Variants in RACGAP1 observed in about 807,000 individuals in gnomAD.
RACGAP1 encodes rac GTPase-activating protein 1.
A neutral mutation model predicts 78.1 loss-of-function variants in RACGAP1; 30 were observed. The ratio of observed to expected loss-of-function variants is 0.38; its 90% CI spans 0.29 to 0.52. RACGAP1 has a LOEUF of 0.52. RACGAP1 is among the 20% of genes least tolerant of loss of function. The probability of loss-of-function intolerance (pLI) is 0.82; values close to 1 mark genes in which losing one functional copy is unlikely to be tolerated. For missense variants in RACGAP1, 587 were observed against 777.1 expected (o/e 0.76, Z 2.91); for synonymous variants, 231 against 264.8 (o/e 0.87, Z 1.24).
At chr12:50,031,448 C>A (rs949937139) in intron 2 of RACGAP1, among the ~76,000 whole-genome samples, 2 of 124,112 alleles carry the variant, frequency 1.6e-5, no homozygotes, top group Non-Finnish European at 3.2e-5. Flanking sequence ...CACTGAACTC[C>A]AGCCTGGGCA....
At position 49,995,273 on chromosome 12, in the gene RACGAP1, AG is replaced by A. The variant is rs1268971830; in HGVS notation, c.1045-765del. Among the ~76,000 whole-genome samples the A allele has an allele frequency of 2.6e-5, 4 of 152,226 alleles. No homozygotes were observed. The East Asian group carries it at 7.7e-4, about 29-fold the overall frequency. On this transcript the variant is annotated intron_variant, in intron 10 of 16. Transcript: ENST00000312377. ...TGAGGCAGGAGAATCGCTTGAACCC[AG>A]GAGGTGGAGGTTGTGGTGAGTCGAG...
Position 50,006,601 on chromosome 12 carries a change from G to A in RACGAP1, c.121C>T (p.Arg41Cys), listed in dbSNP as rs776428359. The A allele has an allele frequency of 3.7e-6, 6 of 1,614,090 alleles. No individual in the cohort carries two copies. The highest frequency in any genetic ancestry group is 1.3e-5 in the African/African-American group (1 of 75,006). Residue 41 changes from arginine (R) to cysteine (C), a missense_variant, in exon 3 of 17, where the codon CGT (arginine) becomes TGT (cysteine). Physicochemically the swap from Arg to Cys is radical, Grantham distance 180. Transcript: ENST00000312377. ...IQLAKDFEDF[R>C]KKWQRTDHEL... ...TGGTCAGTCCTCTGCCACTTTTTAC[G>A]GAAATCCTCAAAGTCCTTCGCCAAC...
chr12:50,031,478 CAAA>C (rs56229939), intron 2 of RACGAP1, among the ~76,000 whole-genome samples: 47 of 71,900 alleles, frequency 6.5e-4, no homozygotes, highest in Middle Eastern at 9.6e-3. Flanking sequence ...GACTCCATCT[CAAA>C]AAAAAAAAAA....
chr12:50,007,936 A>G (rs1336901046), intron 2 of RACGAP1, among the ~76,000 whole-genome samples: 1 of 151,120 alleles, frequency 6.6e-6, no homozygotes, highest in Non-Finnish European at 1.5e-5. Context: ...AAAAAAACAT[A>G]TATGTTTGCA....
chr12:49,994,720 C>T (rs1337252195), intron 10 of RACGAP1, among the ~76,000 whole-genome samples: 1 of 152,158 alleles, frequency 6.6e-6, no homozygotes, highest in African/African-American at 2.4e-5. Flanking sequence ...ATATATACCA[C>T]ACTTTTTCTT....
At position 50,010,795 on chromosome 12, in the gene RACGAP1, G is replaced by A. The variant is rs145525828; in HGVS notation, c.86-4159C>T. On this transcript the variant is annotated intron_variant, in intron 2 of 16. Transcript: ENST00000312377. The stretch of plus-strand genomic sequence containing the variant: ...TAAAAATACAAAATTAGCCAGGCGT[G>A]TTGGCACATGCCTGTAATTCCAGCT... Among the ~76,000 whole-genome samples the A allele has an allele frequency of 2.4e-3, 369 of 151,874 alleles. 4 individuals carry two copies. The highest frequency in any genetic ancestry group is 8.3e-3 in the African/African-American group (346 of 41,482).
intron 15 of RACGAP1, 80 bp from the exon 16 acceptor site, chr12:49,990,872 C>T: frequency 9.5e-7 from 1 of 1,048,778 alleles, no homozygotes; most frequent in Non-Finnish European, 1.5e-6. Flanking sequence ...AAGCTGATTA[C>T]CCTCTGAAGC....
chr12:50,000,493 T>A (rs1948607899), intron 7 of RACGAP1, among the ~76,000 whole-genome samples: 1 of 152,048 alleles, frequency 6.6e-6, no homozygotes, highest in South Asian at 2.1e-4. Context: ...TTTGGCTGGG[T>A]GCAGTGGCTC....
intron 12 of RACGAP1, among the ~76,000 whole-genome samples, chr12:49,993,094 T>A (rs764271789): frequency 9.9e-5 from 15 of 152,182 alleles, no homozygotes; most frequent in Non-Finnish European, 2.1e-4. Context: ...GGTAGAGTGA[T>A]ACATAAATGA....
chr12:50,030,811 G>A (rs563063170), intron 2 of RACGAP1, among the ~76,000 whole-genome samples: 38 of 151,696 alleles, frequency 2.5e-4, no homozygotes, highest in Non-Finnish European at 1.6e-4. Flanking sequence ...ACGGAGTTTT[G>A]CTCTTTCACC....
Position 50,006,422 on chromosome 12 carries a change from A to T in RACGAP1, c.288+12T>A. 1 of 1,613,968 alleles carries T rather than the reference A, an allele frequency of 6.2e-7. No homozygotes were observed. Among genetic ancestry groups the T allele is most frequent in the Non-Finnish European group, 8.5e-7 (1 of 1,179,866 alleles). On this transcript the variant is annotated intron_variant, in intron 3 of 16. Transcript: ENST00000312377. ...GCATCATCACTGTTCTAGCACGGAA[A>T]ACAATACACACCAGCTTTTCGCAGT...
At position 50,016,763 on chromosome 12, in the gene RACGAP1, C is replaced by G. The variant is rs759849375; in HGVS notation, c.-4-44G>C. The G allele has an allele frequency of 6.3e-6, 10 of 1,588,160 alleles. No individual in the cohort carries two copies. In the Admixed American group the frequency reaches 1.7e-4, roughly 27 times the overall value. On this transcript the variant is annotated intron_variant, in intron 1 of 16. Transcript: ENST00000312377. ...TACATTAGGGGTCCTGCCTTCTCGC[C>G]CACAACAAAAGATTCTATAGCAATC... is the stretch of plus-strand genomic sequence containing the variant.
At chr12:50,015,829 T>TA (rs901560267) in intron 2 of RACGAP1, among the ~76,000 whole-genome samples, 2 of 149,740 alleles carry the variant, frequency 1.3e-5, no homozygotes, top group Non-Finnish European at 3.0e-5. Flanking sequence ...TAAAAAAATT[T>TA]AAAAAAAAAT....
intron 5 of RACGAP1, among the ~76,000 whole-genome samples, chr12:50,003,694 T>C (rs1948816719): frequency 6.6e-6 from 1 of 152,216 alleles, no homozygotes; most frequent in African/African-American, 2.4e-5. Context: ...TGCCGCCCCA[T>C]AAAAGCAGGG....
chr12:49,990,430 A>G (rs1013077976), intron 16 of RACGAP1, 87 bp from the exon 17 acceptor site: 8 of 1,199,278 alleles, frequency 6.7e-6, no homozygotes, highest in Middle Eastern at 1.9e-4. Context: ...ATAACCCATT[A>G]TAAGTAGGAA....
chr12:50,024,839 C>A (rs1950200152), intron 1 of RACGAP1, among the ~76,000 whole-genome samples: 1 of 151,738 alleles, frequency 6.6e-6, no homozygotes, highest in African/African-American at 2.4e-5. Context: ...TTCCGACACA[C>A]ACCTCTCGGC....
chr12:50,004,238 T>G lies in RACGAP1; in HGVS notation c.492A>C (p.Ser164=). ...TCAGAGATCAAATGTTTATTACCAG[T>G]GATTCATCAGTCTTGTCAAAGCTGA... ...SDISFDKTDE[S]LDWDSSLVKT... is the part of the protein sequence containing the mutation. Residue 164 remains serine (S), a synonymous_variant, in exon 5 of 17, where the codon TCA becomes TCC. Transcript: ENST00000312377. The G allele has an allele frequency of 6.2e-7, 1 of 1,603,730 alleles. No homozygotes were observed. The highest frequency in any genetic ancestry group is 1.3e-5 in the African/African-American group (1 of 74,944).
chr12:50,032,947 G>GCC (rs1490502784), intron 1 of RACGAP1: 1 of 152,154 alleles, frequency 6.6e-6, no homozygotes, highest in African/African-American at 2.4e-5. Flanking sequence ...TCCCGAGCGC[G>GCC]CCCGTACCCC....
At chr12:50,008,425 C>G (rs2137480241) in intron 2 of RACGAP1, among the ~76,000 whole-genome samples, 1 of 152,122 alleles carries the variant, frequency 6.6e-6, no homozygotes, top group East Asian at 1.9e-4. Flanking sequence ...TCTCAAACTC[C>G]TAACCTCAGG....
Sources: gnomAD v4.1 joint callset for allele counts (sites outside exome capture counted in the v4.1 genomes callset) on GRCh38, gnomAD v4.1.1 for gene constraint, MANE v1.5 for transcripts, NCBI Gene and HGNC (gene_info 2026-07-23, HGNC 2026-07-21) for gene names.